The following HIVEP1 variants were observed in gnomAD, a reference collection of about 807,000 sequenced individuals.
HIVEP1 encodes zinc finger protein 40.
In HIVEP1, 36 loss-of-function variants were observed where a neutral mutation model predicts 180.0. The ratio of observed to expected loss-of-function variants is 0.20; its 90% confidence interval spans 0.15 to 0.26. The LOEUF (loss-of-function observed/expected upper bound fraction) is 0.26, where lower values mean the gene tolerates loss of function less well. HIVEP1 is among the 10% of genes least tolerant of loss of function. The pLI, the probability that HIVEP1 is intolerant of heterozygous loss-of-function variation, is 1.00. For missense variants in HIVEP1, 3,143 were observed against 3,268.7 expected (o/e 0.96, Z 0.94); for synonymous variants, 1,239 against 1,239.0 (o/e 1.00, Z 0.00).
At chr6:12,028,360 G>A (rs757235549) in intron 2 of HIVEP1, among the ~76,000 whole-genome samples, 1 of 152,212 alleles carries the variant, frequency 6.6e-6, no homozygotes, top group Non-Finnish European at 1.5e-5. Flanking sequence ...ATGGCTTCAC[G>A]TGAAAGTCTA....
At chr6:12,052,115 A>G (rs1770582109) in intron 2 of HIVEP1, among the ~76,000 whole-genome samples, 1 of 152,218 alleles carries the variant, frequency 6.6e-6, no homozygotes, top group South Asian at 2.1e-4. Flanking sequence ...TGGAAATTCT[A>G]CTTCCATTTG....
At chr6:12,165,287 G>A (rs955615805), downstream of HIVEP1, among the ~76,000 whole-genome samples, 1 of 152,140 alleles carries the variant, frequency 6.6e-6, no homozygotes, top group Non-Finnish European at 1.5e-5. Context: ...AATGGGCAAC[G>A]TTCCTAAATG....
chr6:12,049,124 C>T (rs1351391765), intron 2 of HIVEP1, among the ~76,000 whole-genome samples: 1 of 152,128 alleles, frequency 6.6e-6, no homozygotes, highest in African/African-American at 2.4e-5. Flanking sequence ...GCCTTTATAA[C>T]CAGAACATTT....
chr6:12,161,213 G>C (rs939875865), intron 7 of HIVEP1, among the ~76,000 whole-genome samples: 7 of 151,762 alleles, frequency 4.6e-5, no homozygotes, highest in Non-Finnish European at 8.8e-5. Context: ...CCCATTCCTC[G>C]TCCCTGACCC....
At chr6:12,171,902 C>T in the HIVEP1 span, among the ~76,000 whole-genome samples, 2 of 152,200 alleles carry the variant, frequency 1.3e-5, no homozygotes, top group Middle Eastern at 3.4e-3. Flanking sequence ...TGGGATCAGC[C>T]GGGGAGGCAA....
chr6:12,154,975 GTCA>G (rs1759936907), intron 7 of HIVEP1, among the ~76,000 whole-genome samples: 1 of 151,692 alleles, frequency 6.6e-6, no homozygotes, highest in Non-Finnish European at 1.5e-5. Context: ...TTTTTTCAAT[GTCA>G]TCATTTCTGT....
chr6:12,085,038 G>A (rs1055187482), intron 2 of HIVEP1, among the ~76,000 whole-genome samples: 1 of 152,102 alleles, frequency 6.6e-6, no homozygotes, highest in African/African-American at 2.4e-5. Flanking sequence ...TTTGTGTGTA[G>A]GTGCTTTTTT....
chr6:12,010,577 A>G (rs976176026), upstream of HIVEP1, among the ~76,000 whole-genome samples: 5 of 151,942 alleles, frequency 3.3e-5, no homozygotes, highest in African/African-American at 1.2e-4. Context: ...TTATTCCTTA[A>G]AAGGGGAAAC....
At chr6:12,037,973 C>G in intron 2 of HIVEP1, 2 of 385,790 alleles carry the variant, frequency 5.2e-6, no homozygotes, top group South Asian at 1.4e-4. Flanking sequence ...TGTTGGCCCC[C>G]CAAAGCACTG....
chr6:12,191,910 T>C, the HIVEP1 span, among the ~76,000 whole-genome samples: 1 of 152,242 alleles, frequency 6.6e-6, no homozygotes, highest in Non-Finnish European at 1.5e-5. Flanking sequence ...CATTTACTTC[T>C]ATTCTTCATT....
the HIVEP1 span, among the ~76,000 whole-genome samples, chr6:12,184,521 C>T: frequency 6.6e-6 from 1 of 152,244 alleles, no homozygotes; most frequent in Admixed American, 6.5e-5. Context: ...GCAAACAATC[C>T]CATTTGGGCA....
At chr6:12,014,177 G>A (rs1326501852) in intron 1 of HIVEP1, among the ~76,000 whole-genome samples, 1 of 152,168 alleles carries the variant, frequency 6.6e-6, no homozygotes, top group Non-Finnish European at 1.5e-5. Flanking sequence ...CCTGAACAAG[G>A]CCACACAGTA....
At chr6:12,178,443 T>C in the HIVEP1 span, among the ~76,000 whole-genome samples, 1 of 152,116 alleles carries the variant, frequency 6.6e-6, no homozygotes, top group East Asian at 1.9e-4. Flanking sequence ...TTTGTTTAAA[T>C]GTAAAAATAT....
At chr6:12,108,748 C>G (rs965891445) in intron 3 of HIVEP1, among the ~76,000 whole-genome samples, 4 of 152,192 alleles carry the variant, frequency 2.6e-5, no homozygotes, top group African/African-American at 7.2e-5. Flanking sequence ...CGCGCGCACC[C>G]CCGGTTCCCG....
chr6:12,019,605 C>T (rs1309286597), intron 2 of HIVEP1, among the ~76,000 whole-genome samples: 1 of 152,108 alleles, frequency 6.6e-6, no homozygotes, highest in Non-Finnish European at 1.5e-5. Context: ...AAACCCATCG[C>T]CTCTTTTTAG....
intron 2 of HIVEP1, among the ~76,000 whole-genome samples, chr6:12,064,009 C>T (rs964266349): frequency 6.6e-6 from 1 of 152,074 alleles, no homozygotes; most frequent in African/African-American, 2.4e-5. Context: ...AGGAACATGC[C>T]TTGGTATAAT....
At position 12,129,648 on chromosome 6, in the gene HIVEP1, AT is replaced by A. The variant is rs146004326; in HGVS notation, c.6076-108del. 6,180 of 856,172 alleles carry A rather than the reference AT, an allele frequency of 7.2e-3. 243 individuals are homozygous for A. The African/African-American group carries it at 0.085, about 12-fold the overall frequency. The allele number at this position is 856,172 out of a possible 1,614,324, so 53.0% of individuals were successfully genotyped here. ...TGAACCTATTACTACTTTGAAATGC[AT>A]TTCGTTGACCATATGCTCTGTACTC... On this transcript the variant is annotated intron_variant, in intron 4 of 8. Transcript: ENST00000379388.
In HIVEP1 at chr6:12,125,435, T is replaced by C; in HGVS notation, c.5640T>C (p.Asn1880=). 1 of 1,614,082 alleles carries C rather than the reference T, an allele frequency of 6.2e-7. No homozygotes were observed. The highest frequency in any genetic ancestry group is 8.5e-7 in the Non-Finnish European group (1 of 1,180,000). ...TVRSSPAPSE[N]THISPLKCTD... is the part of the protein sequence containing the mutation. ...GAAGTTCACCTGCTCCTTCAGAAAA[T>C]ACTCATATTTCTCCTTTGAAATGTA... Residue 1880 remains asparagine, a synonymous_variant, in exon 4 of 9, where the codon AAT becomes AAC. Transcript: ENST00000379388.
chr6:12,197,201 A>C, the HIVEP1 span, among the ~76,000 whole-genome samples: 32 of 152,288 alleles, frequency 2.1e-4, no homozygotes, highest in Admixed American at 2.0e-3. Context: ...GAGTGTCAGC[A>C]TGAATGAAGG....
Sources: gnomAD v4.1 joint callset for allele counts (sites outside exome capture counted in the v4.1 genomes callset) on GRCh38, gnomAD v4.1.1 for gene constraint, MANE v1.5 for transcripts, NCBI Gene and HGNC (gene_info 2026-07-23, HGNC 2026-07-21) for gene names.